Variants in YIF1B observed in about 807,000 individuals in gnomAD.
YIF1B encodes Yip1 interacting factor homolog B, membrane trafficking protein, also known as protein YIF1B.
In YIF1B, 24 loss-of-function variants were observed where a neutral mutation model predicts 34.6. That is an observed-to-expected ratio of 0.69 (90% CI 0.50 to 0.98). The LOEUF is 0.98. Among genes scored for constraint, YIF1B ranks in the 50% least tolerant of loss-of-function variants. YIF1B has a pLI of 0.00. For synonymous variants in YIF1B, 186 were observed against 184.8 expected (o/e 1.01, Z -0.05); for missense variants, 368 against 429.4 (o/e 0.86, Z 1.26).
At chr19:38,318,193 C>CAAAA (rs35748833), upstream of YIF1B, among the ~76,000 whole-genome samples, 10 of 29,894 alleles carry the variant, frequency 3.3e-4, no homozygotes, top group African/African-American at 1.0e-3. Context: ...ACTCTTGTCT[C>CAAAA]AAAAAAAAAA....
chr19:38,314,363 T>G (rs1385390507), intron 1 of YIF1B, among the ~76,000 whole-genome samples: 1 of 151,886 alleles, frequency 6.6e-6, no homozygotes, highest in African/African-American at 2.4e-5. Flanking sequence ...CCCAGCTAAA[T>G]TTTCTATTTT....
At chr19:38,314,682 C>G (rs1010533444) in intron 1 of YIF1B, among the ~76,000 whole-genome samples, 10 of 138,956 alleles carry the variant, frequency 7.2e-5, no homozygotes, top group African/African-American at 2.7e-4. Flanking sequence ...GGTGCAATCT[C>G]GCCTCAGTGC....
upstream of YIF1B, among the ~76,000 whole-genome samples, chr19:38,318,650 C>T (rs1487457566): frequency 6.6e-6 from 1 of 152,212 alleles, no homozygotes; most frequent in African/African-American, 2.4e-5. Flanking sequence ...TATTGTGTTA[C>T]TGATTCTATT....
intron 5 of YIF1B, 126 bp downstream of exon 5, chr19:38,308,666 G>T: frequency 1.7e-6 from 2 of 1,178,482 alleles, no homozygotes; most frequent in Non-Finnish European, 2.5e-6. Context: ...GCTGTATCTT[G>T]GGCCAACTGG....
At position 38,305,300 on chromosome 19, in the gene YIF1B, C is replaced by A; in HGVS notation, c.*52G>T. 5.7e-6 allele frequency: 9 copies of A among 1,574,676 alleles called. No individual in the cohort carries two copies. The highest frequency in any genetic ancestry group is 7.8e-6 in the Non-Finnish European group (9 of 1,158,804). ...TGCAGGCAGGAGATGAGTTCGGCGG[C>A]CACAGTGGCCCCCAGCAGCAGCAGC... On this transcript the variant is annotated 3_prime_UTR_variant, in exon 8 of 8. Transcript: ENST00000339413.
chr19:38,311,556 G>T (rs1568358138), intron 1 of YIF1B, among the ~76,000 whole-genome samples: 1 of 151,954 alleles, frequency 6.6e-6, no homozygotes, highest in Non-Finnish European at 1.5e-5. Context: ...CCCTAAAGAG[G>T]CTCAGGCCTT....
At chr19:38,310,927 G>A (rs1301843726) in intron 1 of YIF1B, among the ~76,000 whole-genome samples, 1 of 152,004 alleles carries the variant, frequency 6.6e-6, no homozygotes, top group African/African-American at 2.4e-5. Flanking sequence ...CATAGAACTC[G>A]GCACTAGCTG....
chr19:38,307,876 C>T (rs1969132657), intron 5 of YIF1B, 124 bp from the exon 6 acceptor site: 24 of 1,265,188 alleles, frequency 1.9e-5, no homozygotes, highest in East Asian at 2.5e-5. Flanking sequence ...TGGATGTGCG[C>T]GCTATCCTAT....
At chr19:38,306,204 CAAAAAAAAAAA>C (rs1174694534) in intron 7 of YIF1B, among the ~76,000 whole-genome samples, 6 of 28,710 alleles carry the variant, frequency 2.1e-4, no homozygotes, top group South Asian at 1.4e-3. Flanking sequence ...CTCTGTCTCA[CAAAAAAAAAAA>C]AAAAAAAAAA....
At chr19:38,317,855 C>T (rs1278318545), upstream of YIF1B, among the ~76,000 whole-genome samples, 1 of 150,872 alleles carries the variant, frequency 6.6e-6, no homozygotes, top group Non-Finnish European at 1.5e-5. Context: ...ACTGAGATTA[C>T]AGGCATGAAA....
chr19:38,320,064 C>G, upstream of YIF1B: 1 of 1,518,650 alleles, frequency 6.6e-7, no homozygotes, highest in Non-Finnish European at 8.8e-7. Context: ...GGCTCCGAGC[C>G]GAGCTGGAGA....
At position 38,304,196 on chromosome 19, in the gene YIF1B, C is replaced by G; in HGVS notation, c.*1156G>C. 6.3e-7 allele frequency: 1 copy of G among 1,594,382 alleles called. No individual in the cohort carries two copies. The highest frequency in any genetic ancestry group is 8.6e-7 in the Non-Finnish European group (1 of 1,165,972). Reference sequence around the variant, plus strand: ...CAACGGGCAGGTCTCAGCGCTCCTCCCCCTGCTCCGCTCCTCTGCAGGGCC... The same window carrying G: ...CAACGGGCAGGTCTCAGCGCTCCTCGCCCTGCTCCGCTCCTCTGCAGGGCC... On this transcript the variant is annotated 3_prime_UTR_variant, in exon 8 of 8. Transcript: ENST00000339413.
intron 1 of YIF1B, among the ~76,000 whole-genome samples, chr19:38,311,381 C>T (rs1003597720): frequency 6.6e-6 from 1 of 152,118 alleles, no homozygotes; most frequent in Non-Finnish European, 1.5e-5. Context: ...ATGACTTGTG[C>T]AAAGGGCCAA....
chr19:38,306,011 G>A (rs956044320), intron 7 of YIF1B, among the ~76,000 whole-genome samples: 4 of 151,988 alleles, frequency 2.6e-5, no homozygotes, highest in Non-Finnish European at 5.9e-5. Context: ...AGACCATCCT[G>A]GCCAACACGA....
chr19:38,307,875 G>C (rs529136430), intron 5 of YIF1B, 123 bp from the exon 6 acceptor site: 6 of 1,269,898 alleles, frequency 4.7e-6, no homozygotes, highest in Non-Finnish European at 6.5e-6. Flanking sequence ...ATGGATGTGC[G>C]CGCTATCCTA....
chr19:38,309,201 C>G (rs781521781), intron 3 of YIF1B, 23 bp downstream of exon 3: 8 of 1,612,774 alleles, frequency 5.0e-6, no homozygotes, highest in Non-Finnish European at 5.9e-6. Flanking sequence ...ACTGCAGACC[C>G]ACATTCCCCT....
intron 7 of YIF1B, among the ~76,000 whole-genome samples, chr19:38,306,268 G>A (rs1006725885): frequency 2.7e-5 from 4 of 149,352 alleles, no homozygotes; most frequent in Non-Finnish European, 5.9e-5. Flanking sequence ...CTTGACTGCA[G>A]TGGCGTGACC....
At chr19:38,310,061 C>T in intron 1 of YIF1B, 1 of 218,076 alleles carries the variant, frequency 4.6e-6, no homozygotes, top group South Asian at 7.8e-5. Flanking sequence ...TCCATCCATT[C>T]ATCCATCCAC....
chr19:38,321,630 G>A (rs1027706198), upstream of YIF1B, among the ~76,000 whole-genome samples: 10 of 152,252 alleles, frequency 6.6e-5, no homozygotes, highest in African/African-American at 1.7e-4. Context: ...ATTTGTTGAG[G>A]AGAGGAGGCT....
Sources: allele counts gnomAD v4.1 joint callset (sites outside exome capture counted in the v4.1 genomes callset), GRCh38; gene constraint gnomAD v4.1.1; transcripts MANE v1.5; gene names NCBI Gene and HGNC (gene_info 2026-07-23, HGNC 2026-07-21).